UTP20: variants seen among roughly 807,000 people sequenced by gnomAD.
UTP20 encodes the protein small subunit processome component 20 homolog.
UTP20 carries 164 observed loss-of-function variants against 329.5 expected under a neutral mutation model. The observed-to-expected ratio is 0.50, with a 90% CI of 0.44 to 0.57. The LOEUF (loss-of-function observed/expected upper bound fraction) is 0.57. Ranked by LOEUF, UTP20 falls within the 20% of genes least tolerant of loss-of-function variation. UTP20 has a pLI of 0.00. For missense variants in UTP20, 3,055 were observed against 3,284.2 expected (o/e 0.93, Z 1.71); for synonymous variants, 1,151 against 1,159.3 (o/e 0.99, Z 0.14).
intron 45 of UTP20, among the ~76,000 whole-genome samples, chr12:101,365,072 T>TTGTGTGTG (rs60890980): frequency 0.11 from 16,053 of 141,798 alleles, 1,230 homozygotes; most frequent in East Asian, 0.26. Flanking sequence ...ATTTTGTTGA[T>TTGTGTGTG]TGTGTGTGTG....
intron 57 of UTP20, among the ~76,000 whole-genome samples, chr12:101,380,904 T>C (rs965103598): frequency 6.6e-6 from 1 of 150,616 alleles, no homozygotes; most frequent in Non-Finnish European, 1.5e-5. Context: ...TATTATTACC[T>C]GTTTCTCCCC....
At position 101,386,118 on chromosome 12, in the gene UTP20, G is replaced by A. The variant is rs140645724; in HGVS notation, c.8353G>A (p.Glu2785Lys). The A allele has an allele frequency of 6.2e-7, 1 of 1,604,604 alleles. No individual in the cohort carries two copies. The highest frequency in any genetic ancestry group is 1.8e-5 in the Admixed American group (1 of 56,692). Residue 2785 changes from glutamate (E) to lysine (K), a missense_variant, in exon 62 of 62, where the codon GAG becomes AAG. By Grantham distance (56) the Glu-to-Lys change is moderately conservative. Around this residue, in one of 3 missense-constraint regions of UTP20, gnomAD observed 337 missense variants for 345.5 expected, o/e 0.98. Transcript: ENST00000261637. ...TAGCCTGAAAGATTTAGCAATGGTGGAGTAATGTCTCCCTGTGCTGATACA... is the reference window on the plus strand; with the variant it reads ...TAGCCTGAAAGATTTAGCAATGGTGAAGTAATGTCTCCCTGTGCTGATACA... The part of the protein sequence containing the change: ...SHSLKDLAMV[E>K]
In UTP20 at chr12:101,293,171, T is replaced by C; in HGVS notation, c.1177T>C (p.Phe393Leu). 6.2e-7 allele frequency: 1 copy of C among 1,614,038 alleles called. No individual in the cohort carries two copies. Among genetic ancestry groups the C allele is most frequent in the South Asian group, 1.1e-5 (1 of 91,072 alleles). ...TLIKETIEKI[F>L]ESRFEKRLIF... The stretch of plus-strand genomic sequence containing the variant: ...ATATTTTTTACCTTGGTCACAGATA[T>C]TTGAGAGCAGATTTGAAAAACGTTT... Residue 393 changes from phenylalanine to leucine, a missense_variant, in exon 11 of 62, where the codon TTT (phenylalanine) becomes CTT (leucine). Phe to Leu is a conservative substitution (Grantham distance 22). This residue lies in a region of UTP20 where 2,445 missense variants were observed against 2,575.5 expected (regional missense o/e 0.95). Coordinates refer to ENST00000261637, the MANE Select transcript of UTP20 (RefSeq NM_014503.3).
intron 60 of UTP20, among the ~76,000 whole-genome samples, 157 bp downstream of exon 60, chr12:101,383,826 TTATATTTA>T (rs1870739788): frequency 8.0e-6 from 1 of 125,434 alleles, no homozygotes. Flanking sequence ...TTATATATGT[TTATATTTA>T]TATATATACA....
chr12:101,298,251 A>G (rs1223256479), intron 12 of UTP20, among the ~76,000 whole-genome samples: 1 of 152,176 alleles, frequency 6.6e-6, no homozygotes, highest in African/African-American at 2.4e-5. Context: ...GGGTAAGCAA[A>G]TAAGCGAGAT....
intron 33 of UTP20, 59 bp downstream of exon 33, chr12:101,342,648 G>A: frequency 1.3e-6 from 2 of 1,561,498 alleles, no homozygotes; most frequent in Non-Finnish European, 1.7e-6. Context: ...ATTATGACTT[G>A]TAAACCATAT....
At chr12:101,360,365 C>A (rs1408959286) in intron 43 of UTP20, among the ~76,000 whole-genome samples, 4 of 152,110 alleles carry the variant, frequency 2.6e-5, no homozygotes, top group Non-Finnish European at 5.9e-5. Context: ...CATAGCAAGA[C>A]CCTGTCTCAA....
rs547678956 is a variant in UTP20, at chr12:101,311,791, G to T, written c.2304G>T (p.Thr768=). ...VYYEHLEKAA[T]HAEKELQNDM... is the part of the protein sequence containing the mutation. Reference sequence around the variant, plus strand: ...ATGAGCATCTAGAAAAAGCAGCTACGCATGCTGGTATGTAAAGGGGTTGTG... The same window carrying T: ...ATGAGCATCTAGAAAAAGCAGCTACTCATGCTGGTATGTAAAGGGGTTGTG... The change falls in exon 20 of 62, where the codon ACG becomes ACT. Residue 768 remains threonine, a synonymous_variant. Transcript: ENST00000261637. 1.2e-6 allele frequency: 2 copies of T among 1,611,632 alleles called. No individual in the cohort carries two copies. Among genetic ancestry groups the T allele is most frequent in the African/African-American group, 1.3e-5 (1 of 74,718 alleles).
At position 101,305,932 on chromosome 12, in the gene UTP20, C is replaced by T; in HGVS notation, c.1799C>T (p.Pro600Leu). The T allele has an allele frequency of 6.2e-7, 1 of 1,606,972 alleles. No homozygotes were observed. The highest frequency in any genetic ancestry group is 1.1e-5 in the South Asian group (1 of 90,068). Reference sequence around the variant, plus strand: ...CGTTGCAGAACCTTTCCCCTGGAGCCATCTGTGTTGCTGTTGACTGATCTC... The same window carrying T: ...CGTTGCAGAACCTTTCCCCTGGAGCTATCTGTGTTGCTGTTGACTGATCTC... Reference protein sequence around the residue: ...KNLVLTFPLEPSVLLLTDLYY... With the variant: ...KNLVLTFPLELSVLLLTDLYY... Residue 600 changes from proline (P) to leucine (L), a missense_variant, in exon 16 of 62, where the codon CCA (proline) becomes CTA (leucine). Physicochemically the swap from Pro to Leu is moderately conservative, Grantham distance 98 (BLOSUM62 -3). Around this residue, in one of 3 missense-constraint regions of UTP20, gnomAD observed 2,445 missense variants for 2,575.5 expected, o/e 0.95. Transcript: ENST00000261637.
At chr12:101,382,867 A>AG (rs1870693755) in intron 58 of UTP20, among the ~76,000 whole-genome samples, 174 bp from the exon 59 acceptor site, 1 of 148,222 alleles carries the variant, frequency 6.7e-6, no homozygotes, top group Non-Finnish European at 1.5e-5. Flanking sequence ...AAAAAAAAAA[A>AG]AGGAATATCT....
intron 5 of UTP20, among the ~76,000 whole-genome samples, chr12:101,288,639 C>T (rs1456447073): frequency 6.6e-6 from 1 of 152,202 alleles, no homozygotes; most frequent in African/African-American, 2.4e-5. Flanking sequence ...CTCATCTTTG[C>T]TCTTGCTTTT....
At chr12:101,370,641 T>C in intron 50 of UTP20, 78 bp downstream of exon 50, 2 of 1,442,120 alleles carry the variant, frequency 1.4e-6, no homozygotes, top group Non-Finnish European at 1.9e-6. Context: ...GATCATAGTG[T>C]TTTGACTAGT....
intron 12 of UTP20, among the ~76,000 whole-genome samples, chr12:101,297,812 C>T (rs1872407143): frequency 6.6e-6 from 1 of 152,198 alleles, no homozygotes; most frequent in Non-Finnish European, 1.5e-5. Flanking sequence ...CTGACTGAGA[C>T]TGGGCGTCAG....
chr12:101,386,004 A>T lies in UTP20; in HGVS notation c.8239A>T (p.Met2747Leu). The T allele has an allele frequency of 1.9e-6, 3 of 1,605,912 alleles. No individual in the cohort carries two copies. Among genetic ancestry groups the T allele is most frequent in the East Asian group, 2.2e-5 (1 of 44,856 alleles). Residue 2747 changes from methionine (M) to leucine (L), a missense_variant, in exon 62 of 62, where the codon ATG becomes TTG. This residue lies in a region of UTP20 where 337 missense variants were observed against 345.5 expected (regional missense o/e 0.98). Transcript: ENST00000261637. ...TNPDIAAKKKMKKHKNKSEAK... is the reference protein window; with the variant it reads ...TNPDIAAKKKLKKHKNKSEAK... ...TCCTGATATTGCTGCCAAGAAAAAA[A>T]TGAAGAAACACAAAAATAAAAGTGA...
Position 101,311,424 on chromosome 12 carries a change from A to T in UTP20, c.2232-295A>T, listed in dbSNP as rs575356256. Among the ~76,000 whole-genome samples the T allele has an allele frequency of 1.6e-4, 25 of 152,284 alleles. No individual in the cohort carries two copies. In the East Asian group the frequency reaches 4.6e-3, roughly 28 times the overall value. ...GCCCCTTCTTCTCTTAATGGATCTT[A>T]TTCATGCCCCATGCCCCAGTTTCAT... On this transcript the variant is annotated intron_variant, in intron 19 of 61. Coordinates refer to ENST00000261637, the MANE Select transcript of UTP20 (RefSeq NM_014503.3).
chr12:101,348,055 C>T (rs1869389915), intron 38 of UTP20, among the ~76,000 whole-genome samples: 1 of 152,234 alleles, frequency 6.6e-6, no homozygotes. Flanking sequence ...TCTCTAACTA[C>T]TGACCTTAGG....
intron 27 of UTP20, among the ~76,000 whole-genome samples, chr12:101,332,271 A>T (rs1868783107): frequency 6.6e-6 from 1 of 152,180 alleles, no homozygotes; most frequent in South Asian, 2.1e-4. Context: ...CAGGAGGTGG[A>T]GGTTGCGGTG....
chr12:101,309,819 T>C lies in UTP20; in HGVS notation c.2211T>C (p.Asp737=). ...ATATTAATTTCAGTGCACTCTGGGA[T>C]CCTGTTATTGAACTCATAAGGTAAA... ...MLYINFSALW[D]PVIELISSHA... The change falls in exon 19 of 62, where the codon GAT becomes GAC. Residue 737 remains aspartate (D), a synonymous_variant. Transcript: ENST00000261637. 1.2e-6 allele frequency: 2 copies of C among 1,613,644 alleles called. No homozygotes were observed. Among genetic ancestry groups the C allele is most frequent in the Non-Finnish European group, 1.7e-6 (2 of 1,179,942 alleles).
intron 59 of UTP20, 24 bp from the exon 60 acceptor site, chr12:101,383,519 G>GA (rs1256437624): frequency 1.9e-6 from 3 of 1,604,184 alleles, no homozygotes; most frequent in Non-Finnish European, 1.7e-6. Context: ...TCTTTCAAAT[G>GA]AAAAAAATGA....
Sources: allele counts gnomAD v4.1 joint callset (sites outside exome capture counted in the v4.1 genomes callset), GRCh38; gene constraint gnomAD v4.1.1; regional missense constraint gnomAD v4.1.1; transcripts MANE v1.5; gene names NCBI Gene and HGNC (gene_info 2026-07-23, HGNC 2026-07-21).